Variants in CLASP1 observed in about 807,000 individuals in gnomAD.
The protein encoded by CLASP1 is CLIP-associating protein 1.
Under a neutral mutation model 192.3 loss-of-function variants are expected in CLASP1, and 38 were observed. The observed-to-expected ratio is 0.20, with a 90% CI of 0.15 to 0.26. The LOEUF (loss-of-function observed/expected upper bound fraction) is 0.26. CLASP1 is among the 10% of genes least tolerant of loss of function. The probability of loss-of-function intolerance (pLI) is 1.00; values close to 1 mark genes in which losing one functional copy is unlikely to be tolerated. For synonymous variants in CLASP1, 691 were observed against 712.8 expected, an observed-to-expected ratio of 0.97 and a Z score of 0.49; for missense variants, 1,433 against 1,932.5, an observed-to-expected ratio of 0.74 and a Z score of 4.85.
chr2:121,431,746 G>A (rs72967394), intron 19 of CLASP1, among the ~76,000 whole-genome samples: 1 of 135,042 alleles, frequency 7.4e-6, no homozygotes, highest in African/African-American at 2.7e-5. Flanking sequence ...CATTCCCTTG[G>A]TTTTTTTTTT....
At chr2:121,435,304 C>T (rs776502517) in intron 19 of CLASP1, among the ~76,000 whole-genome samples, 6 of 151,882 alleles carry the variant, frequency 4.0e-5, no homozygotes, top group Non-Finnish European at 7.4e-5. Context: ...GGCAGAGTTT[C>T]GTTCTCGTTG....
intron 16 of CLASP1, among the ~76,000 whole-genome samples, chr2:121,450,284 T>C (rs60466798): frequency 0.014 from 2,068 of 151,552 alleles, 41 homozygotes; most frequent in African/African-American, 0.047. Flanking sequence ...TGAGCCGAGA[T>C]TGCACCACTG....
intron 3 of CLASP1, among the ~76,000 whole-genome samples, chr2:121,529,631 A>T (rs779424696): frequency 2.6e-5 from 4 of 152,232 alleles, no homozygotes; most frequent in Non-Finnish European, 4.4e-5. Context: ...GAGGTATTTA[A>T]ATCTATGAAA....
chr2:121,392,187 CAA>C (rs1343784338), intron 30 of CLASP1, among the ~76,000 whole-genome samples: 2 of 152,160 alleles, frequency 1.3e-5, no homozygotes, highest in East Asian at 1.9e-4. Flanking sequence ...CTTCATTTGA[CAA>C]AGAGAGTCAC....
intron 2 of CLASP1, among the ~76,000 whole-genome samples, chr2:121,598,857 TTTTA>T (rs759167243): frequency 3.3e-5 from 5 of 152,098 alleles, no homozygotes; most frequent in African/African-American, 7.2e-5. Context: ...ACGTTTTTAT[TTTTA>T]TTTATTTATT....
chr2:121,398,221 G>A (rs746327115), intron 29 of CLASP1, 101 bp downstream of exon 30: 2 of 855,160 alleles, frequency 2.3e-6, no homozygotes, highest in Non-Finnish European at 3.7e-6. Context: ...GCTCACAGCA[G>A]ATTTATTCAC....
intron 33 of CLASP1, among the ~76,000 whole-genome samples, chr2:121,379,467 C>T (rs1008991197): frequency 3.3e-5 from 5 of 152,108 alleles, no homozygotes; most frequent in African/African-American, 9.7e-5. Flanking sequence ...CTGAGGACAC[C>T]ACAATACTAG....
chr2:121,563,675 G>A (rs2059279914), intron 2 of CLASP1, among the ~76,000 whole-genome samples: 2 of 152,114 alleles, frequency 1.3e-5, no homozygotes, highest in South Asian at 4.2e-4. Context: ...CTCAGCTCTG[G>A]GGAAATTAGC....
At chr2:121,638,029 C>T (rs1431707163) in intron 1 of CLASP1, among the ~76,000 whole-genome samples, 5 of 152,026 alleles carry the variant, frequency 3.3e-5, no homozygotes, top group African/African-American at 1.2e-4. Flanking sequence ...AGACAACCTA[C>T]CCAGAGTGAG....
intron 37 of CLASP1, among the ~76,000 whole-genome samples, chr2:121,362,888 A>C (rs2066686901): frequency 6.6e-6 from 1 of 152,176 alleles, no homozygotes; most frequent in Non-Finnish European, 1.5e-5. Context: ...CCCTTCCACA[A>C]AGGCAGCTGG....
intron 34 of CLASP1, among the ~76,000 whole-genome samples, chr2:121,368,420 A>G (rs957621245): frequency 3.3e-5 from 5 of 152,228 alleles, no homozygotes; most frequent in Admixed American, 3.3e-4. Flanking sequence ...ATGCTGGGTC[A>G]AAGAACAGGA....
intron 9 of CLASP1, among the ~76,000 whole-genome samples, chr2:121,466,878 C>T (rs907349046): frequency 5.9e-5 from 9 of 152,154 alleles, no homozygotes; most frequent in African/African-American, 9.7e-5. Flanking sequence ...CATAGGTAAA[C>T]GTGTGCCATG....
At chr2:121,418,757 G>A in intron 22 of CLASP1, 28 bp from the exon 23 acceptor site, 2 of 1,476,644 alleles carry the variant, frequency 1.4e-6, no homozygotes. Flanking sequence ...GGGTTTCAGA[G>A]AAGGTGAACA....
intron 19 of CLASP1, among the ~76,000 whole-genome samples, chr2:121,442,706 C>T (rs767658250): frequency 3.3e-5 from 5 of 152,130 alleles, no homozygotes; most frequent in Non-Finnish European, 7.4e-5. Context: ...TCTCGAACTC[C>T]TGACCTCAGG....
At chr2:121,609,462 G>A (rs1300389577) in intron 1 of CLASP1, among the ~76,000 whole-genome samples, 2 of 152,120 alleles carry the variant, frequency 1.3e-5, no homozygotes, top group Non-Finnish European at 2.9e-5. Flanking sequence ...TTTAAAAAAG[G>A]TAACTATTCT....
At chr2:121,387,306 C>A (rs139347413) in intron 31 of CLASP1, 78 bp from the exon 33 acceptor site, 1 of 1,018,180 alleles carries the variant, frequency 9.8e-7, no homozygotes, top group Non-Finnish European at 1.4e-6. Flanking sequence ...GGTCTTTTAA[C>A]CCACATGTAA....
intron 8 of CLASP1, among the ~76,000 whole-genome samples, chr2:121,485,485 C>G (rs574514965): frequency 2.0e-5 from 3 of 152,148 alleles, no homozygotes; most frequent in African/African-American, 7.2e-5. Context: ...AATCCAAGTA[C>G]ACTAAAGACT....
chr2:121,591,926 T>C (rs927020129), intron 2 of CLASP1, among the ~76,000 whole-genome samples: 3 of 152,216 alleles, frequency 2.0e-5, no homozygotes, highest in African/African-American at 7.2e-5. Flanking sequence ...GATCAAATAA[T>C]TCTTCCAGGT....
chr2:121,435,799 G>A (rs2082198176), intron 19 of CLASP1, among the ~76,000 whole-genome samples: 1 of 152,124 alleles, frequency 6.6e-6, no homozygotes, highest in Admixed American at 6.5e-5. Context: ...AGATTCCTAT[G>A]CAGTTTTAAG....
Sources: allele counts gnomAD v4.1 joint callset (sites outside exome capture counted in the v4.1 genomes callset), GRCh38; gene constraint gnomAD v4.1.1; transcripts MANE v1.5; gene names NCBI Gene and HGNC (gene_info 2026-07-23, HGNC 2026-07-21).